The following TOM1L2 variants were observed in gnomAD, a reference collection of about 807,000 sequenced individuals.
TOM1L2 encodes target of myb1 like 2 membrane trafficking protein, also known as TOM1-like protein 2.
TOM1L2 carries 31 observed loss-of-function variants against 67.9 expected under a neutral mutation model. That is an observed-to-expected ratio of 0.46 (90% CI 0.34 to 0.62). TOM1L2 has a LOEUF of 0.62. Among genes scored for constraint, TOM1L2 ranks in the 20% least tolerant of loss-of-function variants. The probability of loss-of-function intolerance (pLI) is 0.01; values close to 1 mark genes in which losing one functional copy is unlikely to be tolerated. For missense variants in TOM1L2, 606 were observed against 663.5 expected (o/e 0.91, Z 0.95); for synonymous variants, 256 against 254.0 (o/e 1.01, Z -0.07).
intron 1 of TOM1L2, among the ~76,000 whole-genome samples, chr17:17,909,188 A>AAAAC (rs942869314): frequency 9.2e-5 from 14 of 152,294 alleles, no homozygotes; most frequent in South Asian, 2.1e-4. Flanking sequence ...CTCAAAAACA[A>AAAAC]AAACAAACAA....
chr17:17,969,058 T>A (rs1014444385), intron 1 of TOM1L2, among the ~76,000 whole-genome samples: 4 of 133,420 alleles, frequency 3.0e-5, no homozygotes, highest in Non-Finnish European at 6.4e-5. Flanking sequence ...CCAGCTCTCC[T>A]TTTTTTTTTT....
At chr17:17,916,349 A>G (rs2039629794) in intron 1 of TOM1L2, among the ~76,000 whole-genome samples, 1 of 152,226 alleles carries the variant, frequency 6.6e-6, no homozygotes, top group Admixed American at 6.5e-5. Flanking sequence ...CTGGGATTAC[A>G]GGCATGAATC....
intron 1 of TOM1L2, among the ~76,000 whole-genome samples, chr17:17,926,176 GAAAA>G (rs57599370): frequency 1.1e-3 from 109 of 103,160 alleles, no homozygotes; most frequent in South Asian, 3.2e-4. Flanking sequence ...GTCTCTTGGA[GAAAA>G]AAAAAAAAAA....
rs2035613310 is a variant in TOM1L2 at position 17,845,786 on chromosome 17, T to C, written c.*1849A>G. 6.6e-6 allele frequency: 1 copy of C among 152,310 alleles called. No individual in the cohort carries two copies. Among genetic ancestry groups the C allele is most frequent in the Admixed American group, 6.5e-5 (1 of 15,280 alleles). 9.4% of individuals were successfully genotyped at this position (152,310 alleles called of 1,614,324 possible). On this transcript the variant is annotated 3_prime_UTR_variant, in exon 15 of 15. Transcript: ENST00000379504. Reference sequence around the variant, plus strand: ...TTCAAGCTGGCCTCAGGGGGGTCTGTCTTTGAGAAACATTGAGGAGGCAGG... The same window carrying C: ...TTCAAGCTGGCCTCAGGGGGGTCTGCCTTTGAGAAACATTGAGGAGGCAGG...
rs2042130435 is a variant in TOM1L2 at position 17,972,149 on chromosome 17, G to A, written c.52+113C>T. ...TCGTGGAGTGGCACCCGCGGCTGGCGGAGGCCCAGCCCGCTCGTGAAGTGG... is the reference window on the plus strand; with the variant it reads ...TCGTGGAGTGGCACCCGCGGCTGGCAGAGGCCCAGCCCGCTCGTGAAGTGG... On this transcript the variant is annotated intron_variant, in intron 1 of 14. Coordinates refer to ENST00000379504, the MANE Select transcript of TOM1L2 (RefSeq NM_001082968.2). 8 of 1,327,038 alleles carry A rather than the reference G, an allele frequency of 6.0e-6. 1 individual carries two copies. In the Admixed American group the frequency reaches 7.2e-5, roughly 12 times the overall value. 82.2% of individuals were successfully genotyped at this position (1,327,038 alleles called of 1,614,324 possible).
intron 3 of TOM1L2, among the ~76,000 whole-genome samples, chr17:17,896,897 G>A (rs2038601247): frequency 1.3e-5 from 2 of 152,208 alleles, no homozygotes; most frequent in Admixed American, 1.3e-4. Context: ...AAGAGAGTAA[G>A]TGAAGCCCTA....
At chr17:17,912,964 G>A (rs28584362) in intron 1 of TOM1L2, among the ~76,000 whole-genome samples, 33 of 152,116 alleles carry the variant, frequency 2.2e-4, no homozygotes, top group Admixed American at 2.1e-3. Context: ...CTGGCGGATC[G>A]CTCGCGGTTA....
chr17:17,951,178 C>A (rs113335514), intron 1 of TOM1L2, among the ~76,000 whole-genome samples: 1 of 152,306 alleles, frequency 6.6e-6, no homozygotes, highest in Non-Finnish European at 1.5e-5. Flanking sequence ...TACCCACTCC[C>A]TTGCGGGGCT....
intron 2 of TOM1L2, among the ~76,000 whole-genome samples, chr17:17,905,437 C>T (rs1199713754): frequency 6.6e-6 from 1 of 152,248 alleles, no homozygotes; most frequent in African/African-American, 2.4e-5. Flanking sequence ...TTATGTCAGC[C>T]AATTCCATTG....
intron 7 of TOM1L2, chr17:17,869,794 A>C (rs2037059028): frequency 1.7e-6 from 1 of 590,044 alleles, no homozygotes; most frequent in African/African-American, 2.0e-5. Flanking sequence ...AAAATATTCC[A>C]GACACCGTTC....
At chr17:17,883,529 T>C (rs2037838456) in intron 5 of TOM1L2, among the ~76,000 whole-genome samples, 1 of 151,970 alleles carries the variant, frequency 6.6e-6, no homozygotes, top group Non-Finnish European at 1.5e-5. Flanking sequence ...GGTCAGGAGA[T>C]AGAGACCATC....
intron 1 of TOM1L2, among the ~76,000 whole-genome samples, chr17:17,939,848 A>C (rs2040657715): frequency 6.6e-6 from 1 of 152,176 alleles, no homozygotes; most frequent in Non-Finnish European, 1.5e-5. Context: ...ATTATGTAGG[A>C]GGCTCTGTAG....
chr17:17,847,893 C>T (rs2035737651), intron 14 of TOM1L2, 110 bp from the exon 15 acceptor site: 1 of 1,452,046 alleles, frequency 6.9e-7, no homozygotes, highest in Non-Finnish European at 9.6e-7. Context: ...GCATGAAGCC[C>T]ACCTAGGAGC....
At chr17:17,856,198 C>A (rs2036243602) in intron 12 of TOM1L2, among the ~76,000 whole-genome samples, 1 of 152,238 alleles carries the variant, frequency 6.6e-6, no homozygotes, top group Non-Finnish European at 1.5e-5. Context: ...TGGGCTGGAT[C>A]TTCCCAATGA....
Position 17,884,767 on chromosome 17 carries a change from G to A in TOM1L2, c.368C>T (p.Ala123Val). 1 of 1,613,322 alleles carries A rather than the reference G, an allele frequency of 6.2e-7. No individual in the cohort carries two copies. Among genetic ancestry groups the A allele is most frequent in the South Asian group, 1.1e-5 (1 of 91,036 alleles). Reference sequence around the variant, plus strand: ...ACTGCTTCGAAAGGCATCAGCCCATGCCTGGGATAATAGAAGGCCTGTTAG... The same window carrying A: ...ACTGCTTCGAAAGGCATCAGCCCATACCTGGGATAATAGAAGGCCTGTTAG... The part of the protein sequence containing the change: ...VQDKVLALIQ[A>V]WADAFRSSPD... Residue 123 changes from alanine (A) to valine (V), a missense_variant and splice_region_variant, in exon 5 of 15, where the codon GCA becomes GTA. Physicochemically the swap from Ala to Val is moderately conservative, Grantham distance 64. Coordinates refer to ENST00000379504, the MANE Select transcript of TOM1L2 (RefSeq NM_001082968.2).
chr17:17,847,181 G>A lies in TOM1L2; in HGVS notation c.*454C>T, dbSNP rs2035688335. ...GAGTGCAGCACACCCTGCTCTTCCA[G>A]AGATGCCACAAAGCCCCTTCAGGGA... On this transcript the variant is annotated 3_prime_UTR_variant, in exon 15 of 15. Coordinates refer to ENST00000379504, the MANE Select transcript of TOM1L2 (RefSeq NM_001082968.2). 1 of 189,958 alleles carries A rather than the reference G, an allele frequency of 5.3e-6. No individual in the cohort carries two copies. Among genetic ancestry groups the A allele is most frequent in the African/African-American group, 2.4e-5 (1 of 42,050 alleles). The allele number at this position is 189,958 out of a possible 1,614,324, so 11.8% of individuals were successfully genotyped here. A position where few individuals can be genotyped will look rare whatever the true frequency, so the allele number is the denominator to read the frequency against.
At chr17:17,966,342 A>T (rs1230115821) in intron 1 of TOM1L2, among the ~76,000 whole-genome samples, 1 of 152,156 alleles carries the variant, frequency 6.6e-6, no homozygotes, top group Non-Finnish European at 1.5e-5. Flanking sequence ...AAATGAACAA[A>T]TTCTAAATAA....
At chr17:17,948,252 C>T (rs567561150) in intron 1 of TOM1L2, among the ~76,000 whole-genome samples, 112 of 152,300 alleles carry the variant, frequency 7.4e-4, no homozygotes, top group Middle Eastern at 3.4e-3. Context: ...AAGATAAATA[C>T]GCCCTAGTCC....
intron 12 of TOM1L2, among the ~76,000 whole-genome samples, chr17:17,852,287 C>T (rs778840424): frequency 6.6e-6 from 1 of 152,206 alleles, no homozygotes; most frequent in African/African-American, 2.4e-5. Context: ...TGTGACAACT[C>T]CAGTCCTGGG....
Sources: gnomAD v4.1 joint callset for allele counts (sites outside exome capture counted in the v4.1 genomes callset) on GRCh38, gnomAD v4.1.1 for gene constraint, MANE v1.5 for transcripts, NCBI Gene and HGNC (gene_info 2026-07-23, HGNC 2026-07-21) for gene names.